The following PTPRD variants were observed in gnomAD, a reference collection of about 807,000 sequenced individuals.
PTPRD encodes the protein receptor-type tyrosine-protein phosphatase delta.
A neutral mutation model predicts 214.5 loss-of-function variants in PTPRD; 34 were observed. The ratio of observed to expected loss-of-function variants is 0.16; its 90% CI spans 0.12 to 0.21. The LOEUF (loss-of-function observed/expected upper bound fraction) is 0.21, where lower values mean the gene tolerates loss of function less well. PTPRD is among the 10% of genes least tolerant of loss of function. PTPRD has a pLI of 1.00. For synonymous variants in PTPRD, 1,128 were observed against 845.7 expected, an observed-to-expected ratio of 1.33 and a Z score of -5.79; for missense variants, 2,545 against 2,398.7, an observed-to-expected ratio of 1.06 and a Z score of -1.27.
chr9:8,959,169 C>T (rs911650290), intron 11 of PTPRD, among the ~76,000 whole-genome samples: 1 of 151,930 alleles, frequency 6.6e-6, no homozygotes, highest in Non-Finnish European at 1.5e-5. Context: ...ATCAAATATT[C>T]ATTGAGCACC....
chr9:8,406,679 G>A (rs906320652), intron 35 of PTPRD, among the ~76,000 whole-genome samples: 2 of 152,188 alleles, frequency 1.3e-5, no homozygotes, highest in African/African-American at 4.8e-5. Context: ...TTCATAAAGA[G>A]AAATCATAGA....
intron 12 of PTPRD, among the ~76,000 whole-genome samples, chr9:8,681,345 T>C (rs1759269089): frequency 6.6e-6 from 1 of 151,936 alleles, no homozygotes; most frequent in Non-Finnish European, 1.5e-5. Context: ...GAACTATAGC[T>C]AGCGAAGAAA....
chr9:9,477,749 G>A (rs1418646779), intron 8 of PTPRD, among the ~76,000 whole-genome samples: 1 of 152,120 alleles, frequency 6.6e-6, no homozygotes, highest in East Asian at 1.9e-4. Flanking sequence ...GTGCAAGAAT[G>A]TAATAATGAT....
intron 3 of PTPRD, among the ~76,000 whole-genome samples, chr9:10,171,564 T>G (rs2099206222): frequency 6.6e-6 from 1 of 152,144 alleles, no homozygotes; most frequent in East Asian, 1.9e-4. Context: ...TCGCTCTGTC[T>G]CCCAGCCTGG....
At chr9:9,943,973 T>C (rs997180785) in intron 4 of PTPRD, among the ~76,000 whole-genome samples, 4 of 152,200 alleles carry the variant, frequency 2.6e-5, no homozygotes, top group African/African-American at 9.6e-5. Flanking sequence ...AGCTCCATTT[T>C]ACTTTTTCTT....
chr9:9,695,334 C>A (rs892925092), intron 7 of PTPRD, among the ~76,000 whole-genome samples: 2 of 152,114 alleles, frequency 1.3e-5, no homozygotes, highest in South Asian at 2.1e-4. Context: ...AGACAAAGTT[C>A]TCTTCACTCT....
At chr9:9,068,737 T>C (rs774068253) in intron 10 of PTPRD, among the ~76,000 whole-genome samples, 6 of 151,936 alleles carry the variant, frequency 3.9e-5, no homozygotes, top group Non-Finnish European at 7.4e-5. Context: ...TCAGCCTCCC[T>C]AGTAGCTGGG....
At chr9:9,139,908 G>C (rs1427212424) in intron 10 of PTPRD, among the ~76,000 whole-genome samples, 2 of 151,930 alleles carry the variant, frequency 1.3e-5, no homozygotes, top group African/African-American at 4.8e-5. Flanking sequence ...AATATAAAAA[G>C]GATAAATTTG....
intron 10 of PTPRD, among the ~76,000 whole-genome samples, chr9:9,061,637 A>G (rs924281310): frequency 2.6e-5 from 4 of 152,180 alleles, no homozygotes; most frequent in African/African-American, 9.7e-5. Context: ...ACAGCAGGAC[A>G]TGTAGCCAGA....
chr9:10,006,724 C>G (rs1473484719), intron 4 of PTPRD, among the ~76,000 whole-genome samples: 1 of 151,846 alleles, frequency 6.6e-6, no homozygotes, highest in African/African-American at 2.4e-5. Context: ...TGTTTCTTAC[C>G]ATTCATCCAG....
chr9:10,374,198 T>C (rs1224226591), intron 2 of PTPRD, among the ~76,000 whole-genome samples: 1 of 152,114 alleles, frequency 6.6e-6, no homozygotes, highest in Non-Finnish European at 1.5e-5. Context: ...GTCATCAAAA[T>C]GACTCTTGAA....
chr9:9,241,251 A>G (rs1027435621), intron 9 of PTPRD, among the ~76,000 whole-genome samples: 2 of 152,144 alleles, frequency 1.3e-5, no homozygotes, highest in African/African-American at 2.4e-5. Flanking sequence ...TGTTACAGCA[A>G]TTTGGTCAAA....
intron 44 of PTPRD, among the ~76,000 whole-genome samples, chr9:8,328,508 C>T (rs2131360530): frequency 6.6e-6 from 1 of 152,198 alleles, no homozygotes; most frequent in South Asian, 2.1e-4. Flanking sequence ...CTTGGGGTTG[C>T]TCTTCTCGAA....
chr9:9,414,158 A>C (rs1401785660), intron 8 of PTPRD, among the ~76,000 whole-genome samples: 1 of 152,252 alleles, frequency 6.6e-6, no homozygotes, highest in Non-Finnish European at 1.5e-5. Flanking sequence ...CATACATCTC[A>C]AAAGGTATTC....
chr9:10,320,510 G>T (rs568922344), intron 3 of PTPRD, among the ~76,000 whole-genome samples: 2 of 151,884 alleles, frequency 1.3e-5, no homozygotes, highest in Non-Finnish European at 2.9e-5. Flanking sequence ...TGTATCTTCT[G>T]ATATTGCAAC....
chr9:9,383,899 C>G (rs753965895), intron 9 of PTPRD, among the ~76,000 whole-genome samples: 1 of 152,030 alleles, frequency 6.6e-6, no homozygotes, highest in Non-Finnish European at 1.5e-5. Flanking sequence ...ACAAAGCATT[C>G]TGTGTGTTTT....
intron 12 of PTPRD, among the ~76,000 whole-genome samples, chr9:8,718,636 A>T (rs1430189305): frequency 2.0e-5 from 3 of 152,122 alleles, no homozygotes; most frequent in African/African-American, 7.2e-5. Flanking sequence ...TGTTTAATCT[A>T]ATTAGTCCGC....
chr9:9,486,961 A>G (rs10217697), intron 8 of PTPRD, among the ~76,000 whole-genome samples: 31,809 of 152,088 alleles, frequency 0.21, 3,465 homozygotes, highest in Non-Finnish European at 0.24. Flanking sequence ...TCAAACTGTG[A>G]AGAGATATTT....
intron 36 of PTPRD, among the ~76,000 whole-genome samples, chr9:8,392,320 C>G (rs112914154): frequency 6.6e-6 from 1 of 151,922 alleles, no homozygotes; most frequent in Non-Finnish European, 1.5e-5. Context: ...GAGAATAGCA[C>G]ATGACAAGTC....
Sources: allele counts gnomAD v4.1 joint callset (sites outside exome capture counted in the v4.1 genomes callset), GRCh38; gene constraint gnomAD v4.1.1; transcripts MANE v1.5; gene names NCBI Gene and HGNC (gene_info 2026-07-23, HGNC 2026-07-21).